Variants in GSK3B observed in about 807,000 individuals in gnomAD.
GSK3B encodes glycogen synthase kinase-3 beta.
Under a neutral mutation model 56.4 loss-of-function variants are expected in GSK3B, and 15 were observed. That is an observed-to-expected ratio of 0.27 (90% CI 0.18 to 0.41). GSK3B has a LOEUF of 0.41. Ranked by LOEUF, GSK3B falls within the 10% of genes least tolerant of loss-of-function variation. GSK3B has a pLI of 1.00. For synonymous variants in GSK3B, 181 were observed against 188.9 expected (o/e 0.96, Z 0.34); for missense variants, 300 against 513.4 (o/e 0.58, Z 4.02).
chr3:119,861,510 C>CA (rs550145796), intron 9 of GSK3B, among the ~76,000 whole-genome samples: 3,734 of 73,648 alleles, frequency 0.051, 98 homozygotes, highest in African/African-American at 0.13. Context: ...GACTCCGTCT[C>CA]AAAAAAAAAA....
chr3:119,940,749 G>T (rs1281343169), intron 3 of GSK3B, among the ~76,000 whole-genome samples: 1 of 152,018 alleles, frequency 6.6e-6, no homozygotes. Context: ...ACCCAAGCTA[G>T]CTCCCTCGAA....
At chr3:119,849,120 C>G (rs552693942) in intron 9 of GSK3B, among the ~76,000 whole-genome samples, 6 of 152,202 alleles carry the variant, frequency 3.9e-5, no homozygotes, top group African/African-American at 1.2e-4. Flanking sequence ...CAAAAAAAAG[C>G]ATTAATATGT....
intron 7 of GSK3B, among the ~76,000 whole-genome samples, chr3:119,881,491 C>T (rs557958445): frequency 5.3e-5 from 8 of 151,984 alleles, no homozygotes; most frequent in South Asian, 2.1e-4. Flanking sequence ...TGATATATTT[C>T]GAAATAACCA....
intron 2 of GSK3B, among the ~76,000 whole-genome samples, chr3:120,000,689 A>G (rs1432197713): frequency 1.3e-5 from 2 of 152,042 alleles, no homozygotes; most frequent in Non-Finnish European, 2.9e-5. Context: ...ACCACAACAT[A>G]GAGATGACAT....
At chr3:119,912,896 C>A in intron 5 of GSK3B, 86 bp from the exon 6 acceptor site, 1 of 548,164 alleles carries the variant, frequency 1.8e-6, no homozygotes. Flanking sequence ...TTCACAGTAT[C>A]AAATGATTTT....
intron 1 of GSK3B, chr3:120,029,069 C>CAT: frequency 1.3e-6 from 1 of 755,632 alleles, no homozygotes; most frequent in Non-Finnish European, 2.3e-6. Flanking sequence ...ACAGGCTGTG[C>CAT]ATTTGGATCA....
chr3:119,963,063 T>C (rs986232641), intron 2 of GSK3B, among the ~76,000 whole-genome samples: 10 of 151,800 alleles, frequency 6.6e-5, no homozygotes, highest in African/African-American at 2.2e-4. Flanking sequence ...AACAACAAAC[T>C]ATCCAAAAAA....
At chr3:119,908,774 G>A (rs1383988185) in intron 6 of GSK3B, among the ~76,000 whole-genome samples, 1 of 152,168 alleles carries the variant, frequency 6.6e-6, no homozygotes, top group South Asian at 2.1e-4. Context: ...ATGTCCCAGA[G>A]GGCAAAACTC....
chr3:119,895,347 G>A (rs557973706), intron 7 of GSK3B, among the ~76,000 whole-genome samples: 18 of 152,084 alleles, frequency 1.2e-4, no homozygotes, highest in Admixed American at 3.3e-4. Flanking sequence ...AGGTACTTAC[G>A]TTGTTTCCAT....
At position 119,824,578 on chromosome 3, in the gene GSK3B, A is replaced by T; in HGVS notation, c.*2210T>A. 4.8e-6 allele frequency: 1 copy of T among 208,682 alleles called. No homozygotes were observed. Among genetic ancestry groups the T allele is most frequent in the Non-Finnish European group, 9.8e-6 (1 of 102,454 alleles). 12.9% of individuals were successfully genotyped at this position (208,682 alleles called of 1,614,324 possible). A position where few individuals can be genotyped will look rare whatever the true frequency, so the allele number is the denominator to read the frequency against. On this transcript the variant is annotated 3_prime_UTR_variant, in exon 11 of 11. Transcript: ENST00000264235. ...AGACCTGCCTTTTCAGATTCTTTAT[A>T]AATTCTGTCTGAAAATGGTCTATCA...
chr3:119,992,625 A>C (rs2057576042), intron 2 of GSK3B, among the ~76,000 whole-genome samples: 1 of 152,004 alleles, frequency 6.6e-6, no homozygotes, highest in Non-Finnish European at 1.5e-5. Flanking sequence ...GAGGGAAGGA[A>C]GGACTCTTAC....
chr3:119,929,884 A>G (rs2056926221), intron 3 of GSK3B, among the ~76,000 whole-genome samples: 1 of 150,502 alleles, frequency 6.6e-6, no homozygotes, highest in Non-Finnish European at 1.5e-5. Flanking sequence ...CTGGGCAACA[A>G]GAGCGAAACT....
chr3:119,835,878 G>C (rs1039066528), intron 10 of GSK3B, among the ~76,000 whole-genome samples: 1 of 152,138 alleles, frequency 6.6e-6, no homozygotes, highest in Non-Finnish European at 1.5e-5. Context: ...GTAGTACCTG[G>C]GGAAAGGATG....
chr3:119,874,755 C>T (rs1480895527), intron 8 of GSK3B, among the ~76,000 whole-genome samples: 2 of 151,884 alleles, frequency 1.3e-5, no homozygotes, highest in Non-Finnish European at 2.9e-5. Context: ...TAAAATCATG[C>T]ACTTTCTTCT....
intron 1 of GSK3B, among the ~76,000 whole-genome samples, chr3:120,081,076 T>C (rs1247464369): frequency 6.6e-6 from 1 of 152,132 alleles, no homozygotes; most frequent in East Asian, 1.9e-4. Context: ...TAGCGTCATA[T>C]GCTCAATGTT....
At chr3:119,875,173 G>A (rs2056296047) in intron 8 of GSK3B, among the ~76,000 whole-genome samples, 1 of 152,044 alleles carries the variant, frequency 6.6e-6, no homozygotes, top group African/African-American at 2.4e-5. Flanking sequence ...AAATACTATT[G>A]AGGTCTTTGA....
rs181858943 is a variant in GSK3B at position 119,934,935 on chromosome 3, T to C, written c.367-11452A>G. On this transcript the variant is annotated intron_variant, in intron 3 of 10. Coordinates refer to ENST00000264235, the MANE Select transcript of GSK3B (RefSeq NM_001146156.2). ...TGTATTACTTCAATTTTTTATATAG[T>C]ATGCATGTAATAACATTTTAGTTTT... Among the ~76,000 whole-genome samples the C allele has an allele frequency of 1.6e-4, 25 of 152,276 alleles. No individual in the cohort carries two copies. In the East Asian group the frequency reaches 3.9e-3, roughly 23 times the overall value.
chr3:120,039,434 C>T (rs756435986), intron 1 of GSK3B, among the ~76,000 whole-genome samples: 1 of 152,166 alleles, frequency 6.6e-6, no homozygotes, highest in African/African-American at 2.4e-5. Context: ...TTAACTTCCT[C>T]GTTTTTTGTT....
intron 7 of GSK3B, among the ~76,000 whole-genome samples, chr3:119,888,291 C>G (rs977322679): frequency 2.6e-5 from 4 of 152,172 alleles, no homozygotes; most frequent in Non-Finnish European, 5.9e-5. Context: ...GGAGCCACGG[C>G]AGAGGAACAT....
Sources: allele counts gnomAD v4.1 joint callset (sites outside exome capture counted in the v4.1 genomes callset), GRCh38; gene constraint gnomAD v4.1.1; transcripts MANE v1.5; gene names NCBI Gene and HGNC (gene_info 2026-07-23, HGNC 2026-07-21).